SCFD2: variants seen among roughly 807,000 people sequenced by gnomAD.
The protein encoded by SCFD2 is sec1 family domain-containing protein 2.
A neutral mutation model predicts 58.9 loss-of-function variants in SCFD2; 54 were observed. That is an observed-to-expected ratio of 0.92 (90% CI 0.74 to 1.15). The LOEUF (loss-of-function observed/expected upper bound fraction) is 1.15. Ranked by LOEUF, SCFD2 falls within the 50% of genes most tolerant of loss-of-function variation. The pLI is 0.00. For missense variants in SCFD2, 805 were observed against 836.6 expected (o/e 0.96, Z 0.47); for synonymous variants, 321 against 335.9 (o/e 0.96, Z 0.49).
chr4:53,102,772 A>G (rs143429091), intron 5 of SCFD2, among the ~76,000 whole-genome samples: 9 of 152,262 alleles, frequency 5.9e-5, no homozygotes, highest in African/African-American at 2.2e-4. Context: ...TCAGGAAGGC[A>G]AAAGGGTGTA....
chr4:53,028,533 C>T (rs780554553), intron 5 of SCFD2, among the ~76,000 whole-genome samples: 3 of 152,092 alleles, frequency 2.0e-5, no homozygotes, highest in Non-Finnish European at 2.9e-5. Flanking sequence ...GTGATTTCCT[C>T]ATATTATGGC....
intron 7 of SCFD2, among the ~76,000 whole-genome samples, chr4:52,895,166 C>T (rs986142871): frequency 2.6e-5 from 4 of 151,890 alleles, no homozygotes; most frequent in Non-Finnish European, 5.9e-5. Context: ...TCCTCATGCT[C>T]TTGATCCACC....
intron 5 of SCFD2, among the ~76,000 whole-genome samples, chr4:53,096,132 G>A (rs1481411185): frequency 6.6e-6 from 1 of 152,138 alleles, no homozygotes; most frequent in Non-Finnish European, 1.5e-5. Context: ...ATGGACATTT[G>A]GGTTGGTTCC....
chr4:53,330,589 A>C (rs1019619761), intron 2 of SCFD2, among the ~76,000 whole-genome samples: 9 of 152,298 alleles, frequency 5.9e-5, no homozygotes, highest in Non-Finnish European at 1.2e-4. Flanking sequence ...AGAGCTCCTG[A>C]AGGAAGCGCT....
intron 5 of SCFD2, among the ~76,000 whole-genome samples, chr4:52,944,721 A>G (rs1210552275): frequency 1.3e-5 from 2 of 152,242 alleles, no homozygotes; most frequent in African/African-American, 2.4e-5. Flanking sequence ...ATATTTCACT[A>G]AAGTGCCTGG....
intron 5 of SCFD2, among the ~76,000 whole-genome samples, chr4:53,116,881 T>C (rs1725339464): frequency 6.6e-6 from 1 of 152,190 alleles, no homozygotes; most frequent in Admixed American, 6.5e-5. Flanking sequence ...CCAACAGGTC[T>C]TAAAGCAACC....
At chr4:53,238,595 C>G (rs1385222970) in intron 4 of SCFD2, among the ~76,000 whole-genome samples, 1 of 151,952 alleles carries the variant, frequency 6.6e-6, no homozygotes. Context: ...GGGCTCCTCA[C>G]TTCCCAGACG....
chr4:53,172,794 T>C (rs766087221), intron 4 of SCFD2, among the ~76,000 whole-genome samples: 1 of 152,208 alleles, frequency 6.6e-6, no homozygotes, highest in African/African-American at 2.4e-5. Flanking sequence ...CATGTGCAGT[T>C]GAAAAGAATG....
intron 5 of SCFD2, among the ~76,000 whole-genome samples, chr4:53,090,196 C>G (rs1267677948): frequency 6.6e-6 from 1 of 152,058 alleles, no homozygotes; most frequent in East Asian, 1.9e-4. Flanking sequence ...TGCTAGGACT[C>G]TAGTCAAAAA....
At chr4:53,238,357 A>T (rs1174404570) in intron 4 of SCFD2, among the ~76,000 whole-genome samples, 1 of 92,486 alleles carries the variant, frequency 1.1e-5, no homozygotes, top group Admixed American at 1.0e-4. Flanking sequence ...GCGGGGGCTG[A>T]TGCCCCCACC....
At position 53,313,691 on chromosome 4, in the gene SCFD2, C is replaced by A. The variant is rs756675706; in HGVS notation, c.1080G>T (p.Arg360=). Residue 360 remains arginine, a synonymous_variant, in exon 3 of 9, where the codon CGG becomes CGT. Coordinates refer to ENST00000401642, the MANE Select transcript of SCFD2 (RefSeq NM_152540.4). ...TKHKEAVMEV[R]RHLVEAASRE... The stretch of plus-strand genomic sequence containing the variant: ...TGCTTGCCGCTTCCACTAGATGTCT[C>A]CGAACTTCCATCACTGCCTCTTTGT... 2 of 1,613,922 alleles carry A rather than the reference C, an allele frequency of 1.2e-6. No homozygotes were observed. The highest frequency in any genetic ancestry group is 2.7e-5 in the African/African-American group (2 of 74,910).
At chr4:53,211,360 C>T (rs1173959951) in intron 4 of SCFD2, among the ~76,000 whole-genome samples, 6 of 152,116 alleles carry the variant, frequency 3.9e-5, no homozygotes, top group Admixed American at 3.9e-4. Flanking sequence ...CCCCTTCCCC[C>T]ATACCTTGCG....
intron 5 of SCFD2, among the ~76,000 whole-genome samples, chr4:52,952,728 CA>C (rs1319912167): frequency 6.6e-6 from 1 of 152,134 alleles, no homozygotes; most frequent in Non-Finnish European, 1.5e-5. Flanking sequence ...GAAAGGTTTA[CA>C]GCATTACAAT....
At chr4:53,143,230 A>G (rs532835530) in intron 5 of SCFD2, among the ~76,000 whole-genome samples, 1 of 152,330 alleles carries the variant, frequency 6.6e-6, no homozygotes, top group South Asian at 2.1e-4. Flanking sequence ...ATAGCAACAT[A>G]TAAATGTTTA....
chr4:53,155,272 G>A (rs540931683), intron 4 of SCFD2, among the ~76,000 whole-genome samples: 2 of 152,322 alleles, frequency 1.3e-5, no homozygotes, highest in African/African-American at 4.8e-5. Context: ...GTATTAAGAA[G>A]TGGGACATTT....
chr4:52,922,342 C>A (rs941134750), intron 5 of SCFD2, among the ~76,000 whole-genome samples: 2 of 151,834 alleles, frequency 1.3e-5, no homozygotes, highest in African/African-American at 4.8e-5. Context: ...TTAGCAGTCA[C>A]CCCCGATTTC....
chr4:53,030,212 C>T (rs1396773399), intron 5 of SCFD2, among the ~76,000 whole-genome samples: 1 of 151,928 alleles, frequency 6.6e-6, no homozygotes, highest in Non-Finnish European at 1.5e-5. Flanking sequence ...CAAATAAGCA[C>T]ATGAAAAGAT....
chr4:52,887,896 CTTTT>C (rs71195133), intron 7 of SCFD2, among the ~76,000 whole-genome samples: 1 of 81,668 alleles, frequency 1.2e-5, no homozygotes, highest in Middle Eastern at 0.013. Flanking sequence ...ACATCTTATT[CTTTT>C]TTTTTTTTTT....
At chr4:53,069,022 G>T (rs1045708066) in intron 5 of SCFD2, among the ~76,000 whole-genome samples, 3 of 151,986 alleles carry the variant, frequency 2.0e-5, no homozygotes, top group African/African-American at 7.2e-5. Context: ...ACACTCTGTG[G>T]TATTCTCCCA....
Sources: allele counts gnomAD v4.1 joint callset (sites outside exome capture counted in the v4.1 genomes callset), GRCh38; gene constraint gnomAD v4.1.1; transcripts MANE v1.5; gene names NCBI Gene and HGNC (gene_info 2026-07-23, HGNC 2026-07-21).